Variants in PPP1R3B observed in about 807,000 individuals in gnomAD.
PPP1R3B encodes PP1 subunit R4.
PPP1R3B carries 8 observed loss-of-function variants against 14.6 expected under a neutral mutation model. The ratio of observed to expected loss-of-function variants is 0.55; its 90% CI spans 0.32 to 0.99. The LOEUF (loss-of-function observed/expected upper bound fraction) is 0.99. Among genes scored for constraint, PPP1R3B ranks in the 50% least tolerant of loss-of-function variants. PPP1R3B has a pLI of 0.04. For missense variants in PPP1R3B, 452 were observed against 360.1 expected (o/e 1.26, Z -2.07); for synonymous variants, 169 against 142.0 (o/e 1.19, Z -1.35).
At chr8:9,143,508 C>T (rs1041929388) in intron 1 of PPP1R3B, among the ~76,000 whole-genome samples, 5 of 152,136 alleles carry the variant, frequency 3.3e-5, no homozygotes, top group African/African-American at 1.2e-4. Flanking sequence ...TTGAGACCAG[C>T]CTGACCAATA....
chr8:9,142,950 A>G (rs561558978), intron 1 of PPP1R3B, among the ~76,000 whole-genome samples: 1 of 152,322 alleles, frequency 6.6e-6, no homozygotes, highest in South Asian at 2.1e-4. Flanking sequence ...GGCTTAGTGA[A>G]TAACGCTGCA....
Position 9,139,528 on chromosome 8 carries a change from T to C in PPP1R3B, c.*1266A>G, listed in dbSNP as rs1449053040. The C allele has an allele frequency of 2.0e-5, 3 of 152,108 alleles. No individual in the cohort carries two copies. Among genetic ancestry groups the C allele is most frequent in the Non-Finnish European group, 2.9e-5 (2 of 68,034 alleles). 9.4% of individuals were successfully genotyped at this position (152,108 alleles called of 1,614,324 possible). A position where few individuals can be genotyped will look rare whatever the true frequency, so the allele number is the denominator to read the frequency against. On this transcript the variant is annotated 3_prime_UTR_variant, in exon 2 of 2. Coordinates refer to ENST00000310455, the MANE Select transcript of PPP1R3B (RefSeq NM_024607.4). ...AAACACAGCAGAAAAGATGACTCTT[T>C]GGGAAAGGAGATTCAAAATTCTCTT...
At chr8:9,150,705 G>A (rs1177895099), upstream of PPP1R3B, 1 of 152,488 alleles carries the variant, frequency 6.6e-6, no homozygotes. Context: ...TCGGCGGTGG[G>A]AGGAAGACGA....
chr8:9,140,926 T>A lies in PPP1R3B; in HGVS notation c.726A>T (p.Gly242=). The part of the protein sequence containing the change: ...IIRAELKSTQ[G]MTKPHSGPDL... ...CCGGTCCACTGTGGGGCTTGGTCAT[T>A]CCCTGGGTAGATTTTAACTCAGCCC... The change falls in exon 2 of 2, where the codon GGA becomes GGT. Residue 242 remains glycine, a synonymous_variant. Transcript: ENST00000310455. 6.2e-7 allele frequency: 1 copy of A among 1,614,208 alleles called. No homozygotes were observed. The highest frequency in any genetic ancestry group is 8.5e-7 in the Non-Finnish European group (1 of 1,180,028).
At chr8:9,143,574 C>T (rs762019463) in intron 1 of PPP1R3B, among the ~76,000 whole-genome samples, 2 of 152,104 alleles carry the variant, frequency 1.3e-5, no homozygotes, top group Non-Finnish European at 2.9e-5. Context: ...TGGTGGCATG[C>T]ACCTGTAGTC....
rs1800944065 is a variant in PPP1R3B, at chr8:9,137,928, G to C, written c.*2866C>G. ...GTGGGGAGGGTTTACGGCTGCTTTA[G>C]AAGAGATAGTTATCACTGAATTACC... On this transcript the variant is annotated 3_prime_UTR_variant, in exon 2 of 2. Transcript: ENST00000310455. 1 of 152,164 alleles carries C rather than the reference G, an allele frequency of 6.6e-6. No homozygotes were observed. Among genetic ancestry groups the C allele is most frequent in the Non-Finnish European group, 1.5e-5 (1 of 68,030 alleles). 9.4% of individuals were successfully genotyped at this position (152,164 alleles called of 1,614,324 possible).
At chr8:9,144,286 C>A (rs899601841) in intron 1 of PPP1R3B, among the ~76,000 whole-genome samples, 15 of 151,398 alleles carry the variant, frequency 9.9e-5, no homozygotes, top group African/African-American at 2.9e-4. Flanking sequence ...CTCCTGGGCT[C>A]AAGCGGTCCT....
At chr8:9,147,039 G>A (rs191352550) in intron 1 of PPP1R3B, among the ~76,000 whole-genome samples, 65 of 151,228 alleles carry the variant, frequency 4.3e-4, no homozygotes, top group East Asian at 1.4e-3. Flanking sequence ...CTGGAGTGCC[G>A]TGGCGCAATC....
rs1585334987 is a variant in PPP1R3B, at chr8:9,138,078, T to G, written c.*2716A>C. On this transcript the variant is annotated 3_prime_UTR_variant, in exon 2 of 2. Transcript: ENST00000310455. The stretch of plus-strand genomic sequence containing the variant: ...CAGAGTGATCCTTAGTCGGGTAACA[T>G]GTCAATGACAGTGCACTCTGTGCCT... 1 of 152,214 alleles carries G rather than the reference T, an allele frequency of 6.6e-6. No homozygotes were observed. Among genetic ancestry groups the G allele is most frequent in the Non-Finnish European group, 1.5e-5 (1 of 68,038 alleles). 9.4% of individuals were successfully genotyped at this position (152,214 alleles called of 1,614,324 possible).
chr8:9,151,097 G>C (rs889047409), upstream of PPP1R3B, among the ~76,000 whole-genome samples: 1 of 152,146 alleles, frequency 6.6e-6, no homozygotes, highest in South Asian at 2.1e-4. Context: ...GGTCGCAGCC[G>C]GGCCCAGCAG....
upstream of PPP1R3B, among the ~76,000 whole-genome samples, chr8:9,150,899 G>T (rs940391373): frequency 6.6e-6 from 1 of 152,230 alleles, no homozygotes; most frequent in Non-Finnish European, 1.5e-5. Flanking sequence ...ATTTCCTCGC[G>T]TTTTATAGGG....
Position 9,139,805 on chromosome 8 carries a change from T to A in PPP1R3B, c.*989A>T, listed in dbSNP as rs2117595411. 1 of 152,234 alleles carries A rather than the reference T, an allele frequency of 6.6e-6. No individual in the cohort carries two copies. Among genetic ancestry groups the A allele is most frequent in the South Asian group, 2.1e-4 (1 of 4,814 alleles). 9.4% of individuals were successfully genotyped at this position (152,234 alleles called of 1,614,324 possible). The stretch of plus-strand genomic sequence containing the variant: ...ACCTCGTGATCCACCTGCCTCGGCC[T>A]CCCAAAGTGCTGGGATTACAGGCAT... On this transcript the variant is annotated 3_prime_UTR_variant, in exon 2 of 2. Coordinates refer to ENST00000310455, the MANE Select transcript of PPP1R3B (RefSeq NM_024607.4).
chr8:9,144,131 CTGTT>C (rs1187963869), intron 1 of PPP1R3B, among the ~76,000 whole-genome samples: 1 of 149,716 alleles, frequency 6.7e-6, no homozygotes, highest in Non-Finnish European at 1.5e-5. Context: ...AAAACAATGT[CTGTT>C]TTTTATTTAT....
intron 1 of PPP1R3B, among the ~76,000 whole-genome samples, chr8:9,144,021 G>A (rs1801163329): frequency 6.6e-6 from 1 of 151,714 alleles, no homozygotes; most frequent in Admixed American, 6.6e-5. Flanking sequence ...AGAAAAATAA[G>A]CAAAGAACAT....
chr8:9,150,075 A>C (rs1425820005), intron 1 of PPP1R3B, among the ~76,000 whole-genome samples: 1 of 152,034 alleles, frequency 6.6e-6, no homozygotes, highest in African/African-American at 2.4e-5. Context: ...CCTCAACTGT[A>C]CTTTTGTGTA....
At chr8:9,150,182 C>G (rs1277624894) in intron 1 of PPP1R3B, among the ~76,000 whole-genome samples, 1 of 152,176 alleles carries the variant, frequency 6.6e-6, no homozygotes, top group East Asian at 1.9e-4. Context: ...GACCAAAGCT[C>G]TAATTGTCTC....
intron 1 of PPP1R3B, among the ~76,000 whole-genome samples, chr8:9,146,529 C>G (rs1801247238): frequency 6.6e-6 from 1 of 152,126 alleles, no homozygotes; most frequent in Non-Finnish European, 1.5e-5. Flanking sequence ...GAACACATAT[C>G]AGATTTGACC....
At chr8:9,150,377 G>C (rs1801384724) in intron 1 of PPP1R3B, among the ~76,000 whole-genome samples, 186 bp downstream of exon 1, 1 of 152,254 alleles carries the variant, frequency 6.6e-6, no homozygotes, top group East Asian at 1.9e-4. Context: ...TCCCTCTTTT[G>C]CAGCTACTGT....
At position 9,140,945 on chromosome 8, in the gene PPP1R3B, T is replaced by A; in HGVS notation, c.707A>T (p.Glu236Val). The A allele has an allele frequency of 6.2e-7, 1 of 1,614,182 alleles. No homozygotes were observed. Among genetic ancestry groups the A allele is most frequent in the Non-Finnish European group, 8.5e-7 (1 of 1,180,028 alleles). ...GGTCATTCCCTGGGTAGATTTTAACTCAGCCCGGATGATCCTATAGTTCTT... is the reference window on the plus strand; with the variant it reads ...GGTCATTCCCTGGGTAGATTTTAACACAGCCCGGATGATCCTATAGTTCTT... ...RGKNYRIIRA[E>V]LKSTQGMTKP... Residue 236 changes from glutamate (E) to valine (V), a missense_variant, in exon 2 of 2, where the codon GAG (glutamate) becomes GTG (valine). By Grantham distance (121) the Glu-to-Val change is moderately radical. Transcript: ENST00000310455.
Sources: gnomAD v4.1 joint callset for allele counts (sites outside exome capture counted in the v4.1 genomes callset) on GRCh38, gnomAD v4.1.1 for gene constraint, MANE v1.5 for transcripts, NCBI Gene and HGNC (gene_info 2026-07-23, HGNC 2026-07-21) for gene names.